Variants in NR6A1 observed in about 807,000 individuals in gnomAD.
NR6A1 encodes nuclear receptor subfamily 6 group A member 1, also known as retinoic acid receptor-related testis-associated receptor.
In NR6A1, 7 loss-of-function variants were observed where a neutral mutation model predicts 59.1. The observed-to-expected ratio is 0.12, with a 90% CI of 0.07 to 0.22. NR6A1 has a LOEUF of 0.22. Ranked by LOEUF, NR6A1 falls within the 10% of genes least tolerant of loss-of-function variation. The pLI is 1.00. For missense variants in NR6A1, 468 were observed against 611.6 expected (o/e 0.77, Z 2.48); for synonymous variants, 243 against 236.1 (o/e 1.03, Z -0.27).
chr9:124,753,276 C>T (rs1433713151), intron 1 of NR6A1, among the ~76,000 whole-genome samples: 3 of 152,112 alleles, frequency 2.0e-5, no homozygotes, highest in South Asian at 2.1e-4. Flanking sequence ...TGGTCAGAGA[C>T]CTTGGCAGAC....
chr9:124,686,256 G>A (rs889120865), intron 2 of NR6A1, among the ~76,000 whole-genome samples: 1 of 152,152 alleles, frequency 6.6e-6, no homozygotes, highest in Non-Finnish European at 1.5e-5. Flanking sequence ...TACATCATCT[G>A]CGCTTCATAA....
At chr9:124,638,279 GTTCAAGGACCC>G (rs1247539825) in intron 2 of NR6A1, among the ~76,000 whole-genome samples, 3 of 150,738 alleles carry the variant, frequency 2.0e-5, no homozygotes, top group Non-Finnish European at 3.0e-5. Context: ...AAAAAAAAAA[GTTCAAGGACCC>G]TTTGAAATCG....
At chr9:124,692,250 TCAGA>T (rs1358318909) in intron 2 of NR6A1, among the ~76,000 whole-genome samples, 1 of 152,212 alleles carries the variant, frequency 6.6e-6, no homozygotes, top group Non-Finnish European at 1.5e-5. Flanking sequence ...AGACATTTTC[TCAGA>T]CATTCATTTG....
chr9:124,763,521 A>T (rs1013253370), intron 1 of NR6A1, among the ~76,000 whole-genome samples: 7 of 152,278 alleles, frequency 4.6e-5, no homozygotes, highest in African/African-American at 1.2e-4. Context: ...AACCATAAAT[A>T]AATTTAAGGA....
chr9:124,622,422 T>A (rs1437654614), intron 2 of NR6A1, among the ~76,000 whole-genome samples: 2 of 152,236 alleles, frequency 1.3e-5, no homozygotes, highest in East Asian at 1.9e-4. Context: ...AAAGTTTCTT[T>A]GACATTTTCT....
chr9:124,671,882 CA>C (rs976350452), intron 2 of NR6A1, among the ~76,000 whole-genome samples: 1 of 152,160 alleles, frequency 6.6e-6, no homozygotes, highest in Non-Finnish European at 1.5e-5. Flanking sequence ...CGAACTTTTA[CA>C]AAGTGAACAT....
chr9:124,700,161 C>A (rs545309364), intron 2 of NR6A1, among the ~76,000 whole-genome samples: 7 of 150,228 alleles, frequency 4.7e-5, no homozygotes, highest in Non-Finnish European at 8.9e-5. Context: ...CTGGACATTT[C>A]ATATAGGAGA....
At chr9:124,699,895 C>T (rs903178288) in intron 2 of NR6A1, among the ~76,000 whole-genome samples, 3 of 152,184 alleles carry the variant, frequency 2.0e-5, no homozygotes, top group Admixed American at 6.5e-5. Flanking sequence ...TTCCAGTCTT[C>T]GCCCAGACTG....
intron 2 of NR6A1, among the ~76,000 whole-genome samples, chr9:124,602,849 C>A (rs953910341): frequency 2.0e-5 from 3 of 152,212 alleles, no homozygotes; most frequent in African/African-American, 7.2e-5. Flanking sequence ...CCCAGCTCTT[C>A]CTGACTTCTC....
intron 1 of NR6A1, among the ~76,000 whole-genome samples, chr9:124,766,581 AC>A (rs1300972289): frequency 2.0e-5 from 3 of 152,222 alleles, no homozygotes; most frequent in Non-Finnish European, 4.4e-5. Flanking sequence ...CTTAAAAAAA[AC>A]AGACTGACCC....
intron 1 of NR6A1, among the ~76,000 whole-genome samples, chr9:124,749,557 A>ATT (rs544073664): frequency 6.7e-6 from 1 of 149,392 alleles, no homozygotes; most frequent in African/African-American, 2.5e-5. Flanking sequence ...TAAATACGGT[A>ATT]TTTTTTTTTT....
intron 5 of NR6A1, among the ~76,000 whole-genome samples, chr9:124,539,313 G>T (rs1245196025): frequency 6.6e-6 from 1 of 152,142 alleles, no homozygotes; most frequent in Admixed American, 6.6e-5. Flanking sequence ...GCCTATTTTG[G>T]AACACAGCCA....
chr9:124,745,461 C>A (rs570495592), intron 1 of NR6A1, among the ~76,000 whole-genome samples: 47 of 152,166 alleles, frequency 3.1e-4, no homozygotes, highest in African/African-American at 1.1e-3. Flanking sequence ...CACCTGAGGT[C>A]GGGAGTTTGA....
chr9:124,723,845 T>C (rs546319415), intron 2 of NR6A1, among the ~76,000 whole-genome samples: 2 of 152,308 alleles, frequency 1.3e-5, no homozygotes, highest in African/African-American at 2.4e-5. Flanking sequence ...TTAACCAAGA[T>C]TACAGTGAAG....
At position 124,735,341 on chromosome 9, in the gene NR6A1, T is replaced by C. The variant is rs182331936; in HGVS notation, c.101-1992A>G. Among the ~76,000 whole-genome samples, 105 of 152,294 alleles carry C rather than the reference T, an allele frequency of 6.9e-4. 3 individuals carry two copies. Among genetic ancestry groups the C allele is most frequent in the Non-Finnish European group, 2.8e-4 (19 of 68,026 alleles). On this transcript the variant is annotated intron_variant, in intron 1 of 9. Coordinates refer to ENST00000487099, the MANE Select transcript of NR6A1 (RefSeq NM_033334.4). ...CAGCATTCACCAAACAATAAAGGAA[T>C]AGTTTAAATACCTGCTTCTTCCACT... is the stretch of plus-strand genomic sequence containing the variant.
chr9:124,593,414 A>G (rs867146194), intron 2 of NR6A1, among the ~76,000 whole-genome samples: 19 of 152,310 alleles, frequency 1.2e-4, no homozygotes, highest in Middle Eastern at 6.8e-3. Context: ...GAAGAGAAAA[A>G]GGGAGGGAGG....
At chr9:124,672,388 G>A (rs1379675539) in intron 2 of NR6A1, among the ~76,000 whole-genome samples, 8 of 151,962 alleles carry the variant, frequency 5.3e-5, no homozygotes, top group Admixed American at 2.6e-4. Context: ...AGGCCGAGGC[G>A]GGCGGATCAT....
intron 2 of NR6A1, among the ~76,000 whole-genome samples, chr9:124,625,432 A>G (rs1413729523): frequency 2.0e-5 from 3 of 152,130 alleles, no homozygotes; most frequent in Non-Finnish European, 4.4e-5. Context: ...GGCTCAAGCG[A>G]GCCTCCTGCT....
intron 2 of NR6A1, among the ~76,000 whole-genome samples, chr9:124,645,575 C>T (rs978162600): frequency 2.0e-5 from 3 of 151,932 alleles, no homozygotes; most frequent in African/African-American, 7.3e-5. Context: ...ATAAAGGAGT[C>T]AATACTCTAA....
Sources: gnomAD v4.1 joint callset for allele counts (sites outside exome capture counted in the v4.1 genomes callset) on GRCh38, gnomAD v4.1.1 for gene constraint, MANE v1.5 for transcripts, NCBI Gene and HGNC (gene_info 2026-07-23, HGNC 2026-07-21) for gene names.